The following ARL6IP5 variants were observed in gnomAD, a reference collection of about 807,000 sequenced individuals.
The protein encoded by ARL6IP5 is PRA1 family protein 3.
ARL6IP5 carries 6 observed loss-of-function variants against 13.0 expected under a neutral mutation model. The ratio of observed to expected loss-of-function variants is 0.46; its 90% CI spans 0.25 to 0.91. The LOEUF (loss-of-function observed/expected upper bound fraction) is 0.91, where lower values mean the gene tolerates loss of function less well. Among genes scored for constraint, ARL6IP5 ranks in the 40% least tolerant of loss-of-function variants. The pLI is 0.17. For synonymous variants in ARL6IP5, 91 were observed against 91.9 expected (o/e 0.99, Z 0.06); for missense variants, 208 against 248.8 (o/e 0.84, Z 1.10).
chr3:69,104,705 T>C lies in ARL6IP5; in HGVS notation c.*69T>C. ...AGCTTGCCCTTGTCCAGACCTATGTTCTGCTTGCGTTTTTGAAACAGGAGG... is the reference window on the plus strand; with the variant it reads ...AGCTTGCCCTTGTCCAGACCTATGTCCTGCTTGCGTTTTTGAAACAGGAGG... On this transcript the variant is annotated 3_prime_UTR_variant, in exon 3 of 3. Transcript: ENST00000273258. The C allele has an allele frequency of 6.4e-7, 1 of 1,551,340 alleles. No individual in the cohort carries two copies. Among genetic ancestry groups the C allele is most frequent in the South Asian group, 1.2e-5 (1 of 86,652 alleles).
At chr3:69,096,529 A>C (rs937745794) in intron 1 of ARL6IP5, among the ~76,000 whole-genome samples, 4 of 152,014 alleles carry the variant, frequency 2.6e-5, no homozygotes, top group Admixed American at 2.6e-4. Context: ...GGGTATGCAA[A>C]GGAATTTCCT....
chr3:69,098,969 T>C (rs946598711), intron 1 of ARL6IP5, among the ~76,000 whole-genome samples: 1 of 152,146 alleles, frequency 6.6e-6, no homozygotes, highest in African/African-American at 2.4e-5. Context: ...CCTTAGACTA[T>C]ATTCTGAGGA....
At chr3:69,085,246 G>T in intron 1 of ARL6IP5, 23 bp downstream of exon 1, 1 of 1,602,082 alleles carries the variant, frequency 6.2e-7, no homozygotes, top group Non-Finnish European at 8.5e-7. Flanking sequence ...CCCCTACCCG[G>T]GACACCGATC....
intron 1 of ARL6IP5, among the ~76,000 whole-genome samples, chr3:69,096,597 CTTTTTTTTTT>C (rs11291168): frequency 1.4e-5 from 1 of 69,578 alleles, no homozygotes; most frequent in East Asian, 4.6e-4. Flanking sequence ...TTTTGCTTTG[CTTTTTTTTTT>C]TTTTTTTTTT....
Position 69,104,570 on chromosome 3 carries a change from T to C in ARL6IP5, c.501T>C (p.Asp167=), listed in dbSNP as rs1559655795. The change falls in exon 3 of 3, where the codon GAT becomes GAC. Residue 167 remains aspartate, a synonymous_variant. Transcript: ENST00000273258. ...GGACACCGATGGGCATTGTCCTGGATGCCCTAGAACAGCAGGAAGAAGGCA... is the reference window on the plus strand; with the variant it reads ...GGACACCGATGGGCATTGTCCTGGACGCCCTAGAACAGCAGGAAGAAGGCA... The part of the protein sequence containing the change: ...LKRTPMGIVL[D]ALEQQEEGIN... 1 of 1,614,082 alleles carries C rather than the reference T, an allele frequency of 6.2e-7. No homozygotes were observed.
intron 1 of ARL6IP5, chr3:69,100,114 A>C (rs1475595836): frequency 6.6e-6 from 1 of 152,186 alleles, no homozygotes; most frequent in African/African-American, 2.4e-5. Context: ...TTTAGTAGAG[A>C]TGAGGTGCCA....
Position 69,105,154 on chromosome 3 carries a change from G to A in ARL6IP5, c.*518G>A. The A allele has an allele frequency of 2.6e-6, 1 of 381,976 alleles. No homozygotes were observed. Among genetic ancestry groups the A allele is most frequent in the Non-Finnish European group, 4.7e-6 (1 of 212,488 alleles). 23.7% of individuals were successfully genotyped at this position (381,976 alleles called of 1,614,324 possible). ...TCTATCACTTTGCCACCTGTTTGAT[G>A]TGCAGTGGAAACTGGTTAAGCCAGT... On this transcript the variant is annotated 3_prime_UTR_variant, in exon 3 of 3. Coordinates refer to ENST00000273258, the MANE Select transcript of ARL6IP5 (RefSeq NM_006407.4).
intron 1 of ARL6IP5, among the ~76,000 whole-genome samples, chr3:69,086,983 C>T (rs535972691): frequency 6.6e-6 from 1 of 151,802 alleles, no homozygotes; most frequent in Non-Finnish European, 1.5e-5. Context: ...CAGGCGTGAG[C>T]CTCTGTGCCT....
intron 1 of ARL6IP5, 87 bp downstream of exon 1, chr3:69,085,310 T>C: frequency 6.8e-7 from 1 of 1,461,970 alleles, no homozygotes; most frequent in Non-Finnish European, 9.2e-7. Flanking sequence ...GTAGAGACGC[T>C]CTCTGACCAC....
At chr3:69,095,503 CT>C (rs559236745) in intron 1 of ARL6IP5, among the ~76,000 whole-genome samples, 206 of 141,508 alleles carry the variant, frequency 1.5e-3, no homozygotes, top group Non-Finnish European at 1.2e-3. Flanking sequence ...ATCCCTCGTT[CT>C]TTTTTTTTTT....
intron 1 of ARL6IP5, among the ~76,000 whole-genome samples, chr3:69,089,266 A>G (rs1413994180): frequency 2.6e-5 from 4 of 152,112 alleles, no homozygotes; most frequent in African/African-American, 9.7e-5. Context: ...CTTTTTCTCT[A>G]ACTTCCTAAG....
At chr3:69,103,601 G>GT (rs1315429960) in intron 2 of ARL6IP5, among the ~76,000 whole-genome samples, 1 of 152,152 alleles carries the variant, frequency 6.6e-6, no homozygotes, top group African/African-American at 2.4e-5. Context: ...CCACATCAGG[G>GT]TTTTTCAAAA....
chr3:69,093,550 G>A (rs939912102), intron 1 of ARL6IP5, among the ~76,000 whole-genome samples: 1 of 152,050 alleles, frequency 6.6e-6, no homozygotes, highest in Admixed American at 6.6e-5. Context: ...ATCACTTGAG[G>A]TCAGGAGTTC....
chr3:69,101,938 G>A lies in ARL6IP5; in HGVS notation c.276G>A (p.Arg92=), dbSNP rs568417750. ...CCCACAATAAAGACGTCCTTCGCCGGATGAAGAAGCGCTACCCCACGACGT... is the reference window on the plus strand; with the variant it reads ...CCCACAATAAAGACGTCCTTCGCCGAATGAAGAAGCGCTACCCCACGACGT... ...WAAHNKDVLR[R]MKKRYPTTFV... Residue 92 remains arginine, a synonymous_variant, in exon 2 of 3, where the codon CGG becomes CGA. Coordinates refer to ENST00000273258, the MANE Select transcript of ARL6IP5 (RefSeq NM_006407.4). 1.2e-6 allele frequency: 2 copies of A among 1,614,096 alleles called. No individual in the cohort carries two copies. Among genetic ancestry groups the A allele is most frequent in the South Asian group, 2.2e-5 (2 of 91,084 alleles).
chr3:69,104,816 G>A lies in ARL6IP5; in HGVS notation c.*180G>A. Reference sequence around the variant, plus strand: ...CTGATGTTTCAGAGAGAAGACCTCAGAAACCGAAAGAAAACCACCACCCTC... The same window carrying A: ...CTGATGTTTCAGAGAGAAGACCTCAAAAACCGAAAGAAAACCACCACCCTC... On this transcript the variant is annotated 3_prime_UTR_variant, in exon 3 of 3. Coordinates refer to ENST00000273258, the MANE Select transcript of ARL6IP5 (RefSeq NM_006407.4). 1.3e-6 allele frequency: 1 copy of A among 754,918 alleles called. No individual in the cohort carries two copies. Among genetic ancestry groups the A allele is most frequent in the South Asian group, 1.5e-5 (1 of 67,424 alleles). The allele number at this position is 754,918 out of a possible 1,614,324, so 46.8% of individuals were successfully genotyped here.
intron 1 of ARL6IP5, chr3:69,099,871 A>G (rs1298433867): frequency 1.3e-5 from 2 of 152,754 alleles, no homozygotes; most frequent in Admixed American, 6.5e-5. Context: ...GGTTTTGTAT[A>G]CACAGTGGAT....
At position 69,089,637 on chromosome 3, in the gene ARL6IP5, TAA is replaced by T. The variant is rs35599045; in HGVS notation, c.176+4433_176+4434del. Among the ~76,000 whole-genome samples, 516 of 132,414 alleles carry T rather than the reference TAA, an allele frequency of 3.9e-3. 2 individuals carry two copies. The highest frequency in any genetic ancestry group is 0.012 in the African/African-American group (431 of 34,938). The allele number at this position is 132,414 out of a possible 152,430, so 86.9% of individuals were successfully genotyped here. On this transcript the variant is annotated intron_variant, in intron 1 of 2. Transcript: ENST00000273258. Reference sequence around the variant, plus strand: ...CTGGGCAACATAGTGAAACCCTGTCTAAAAAAAAAAAAAAAAAAAATTATTTT... The same window carrying T: ...CTGGGCAACATAGTGAAACCCTGTCTAAAAAAAAAAAAAAAAAATTATTTT...
intron 1 of ARL6IP5, among the ~76,000 whole-genome samples, chr3:69,099,295 T>C (rs13078452): frequency 0.95 from 144,630 of 152,098 alleles, 68,850 homozygotes; most frequent in East Asian, 1. Context: ...TGCTTGAACC[T>C]GGGAGGCAGA....
intron 1 of ARL6IP5, among the ~76,000 whole-genome samples, chr3:69,095,735 T>G (rs1180345583): frequency 6.6e-6 from 1 of 152,174 alleles, no homozygotes; most frequent in Non-Finnish European, 1.5e-5. Flanking sequence ...CTTCAGCTGA[T>G]CCACCCACCT....
Sources: allele counts gnomAD v4.1 joint callset (sites outside exome capture counted in the v4.1 genomes callset), GRCh38; gene constraint gnomAD v4.1.1; transcripts MANE v1.5; gene names NCBI Gene and HGNC (gene_info 2026-07-23, HGNC 2026-07-21).